Variants in USP32 observed in about 807,000 individuals in gnomAD.
USP32 encodes ubiquitin carboxyl-terminal hydrolase 32.
Under a neutral mutation model 204.8 loss-of-function variants are expected in USP32, and 59 were observed. The ratio of observed to expected loss-of-function variants is 0.29; its 90% CI spans 0.23 to 0.36. The LOEUF (loss-of-function observed/expected upper bound fraction) is 0.36. USP32 is among the 10% of genes least tolerant of loss of function. The probability of loss-of-function intolerance (pLI) is 1.00; values close to 1 mark genes in which losing one functional copy is unlikely to be tolerated. For missense variants in USP32, 1,160 were observed against 1,946.4 expected (o/e 0.60, Z 7.60); for synonymous variants, 517 against 678.4 (o/e 0.76, Z 3.70).
chr17:60,321,345 C>A (rs931217154), intron 2 of USP32, among the ~76,000 whole-genome samples: 1 of 152,150 alleles, frequency 6.6e-6, no homozygotes, highest in African/African-American at 2.4e-5. Context: ...CTACAACCAA[C>A]GTAAGACTGG....
At chr17:60,252,944 T>A (rs1598146135) in intron 10 of USP32, among the ~76,000 whole-genome samples, 1 of 152,200 alleles carries the variant, frequency 6.6e-6, no homozygotes, top group East Asian at 1.9e-4. Flanking sequence ...ATATATTAAT[T>A]GTACATATGA....
At chr17:60,331,911 A>C (rs137876094) in intron 2 of USP32, among the ~76,000 whole-genome samples, 1,553 of 144,636 alleles carry the variant, frequency 0.011, 7 homozygotes, top group Middle Eastern at 0.02. Flanking sequence ...AAAAAAATAA[A>C]ATAAACTTTA....
At chr17:60,320,543 A>T (rs2088087054) in intron 2 of USP32, among the ~76,000 whole-genome samples, 1 of 152,174 alleles carries the variant, frequency 6.6e-6, no homozygotes, top group South Asian at 2.1e-4. Context: ...CGTTGGGATG[A>T]GGGAAGAAAC....
At chr17:60,357,312 G>A (rs7223100) in intron 1 of USP32, among the ~76,000 whole-genome samples, 1,756 of 151,682 alleles carry the variant, frequency 0.012, 36 homozygotes, top group African/African-American at 0.041. Context: ...AATTAGGCAG[G>A]CATGGTGATA....
chr17:60,417,515 A>G (rs986164439), intron 1 of USP32, among the ~76,000 whole-genome samples: 2 of 147,576 alleles, frequency 1.4e-5, no homozygotes, highest in African/African-American at 5.0e-5. Context: ...GTGCAGTGCC[A>G]TGATCTCGGC....
chr17:60,204,298 T>TTG (rs1338477380), intron 26 of USP32, among the ~76,000 whole-genome samples: 1 of 152,050 alleles, frequency 6.6e-6, no homozygotes, highest in Non-Finnish European at 1.5e-5. Context: ...AACATAAATT[T>TTG]TGTGTGTGTT....
At chr17:60,341,233 G>A (rs901933484) in intron 2 of USP32, among the ~76,000 whole-genome samples, 1 of 152,102 alleles carries the variant, frequency 6.6e-6, no homozygotes, top group Non-Finnish European at 1.5e-5. Context: ...GGTTGGGGAA[G>A]TTCTCCTGGA....
At chr17:60,225,098 T>C (rs1227460108) in intron 13 of USP32, among the ~76,000 whole-genome samples, 1 of 152,166 alleles carries the variant, frequency 6.6e-6, no homozygotes, top group African/African-American at 2.4e-5. Flanking sequence ...TCTTTGAAAA[T>C]TTAAATTTAC....
At chr17:60,294,176 G>C (rs2087363784) in intron 4 of USP32, among the ~76,000 whole-genome samples, 1 of 152,184 alleles carries the variant, frequency 6.6e-6, no homozygotes, top group Admixed American at 6.5e-5. Flanking sequence ...AAAGTACTTG[G>C]ATTACAGGTG....
intron 1 of USP32, among the ~76,000 whole-genome samples, chr17:60,355,801 A>G (rs2089056353): frequency 7.1e-6 from 1 of 140,840 alleles, no homozygotes; most frequent in African/African-American, 2.7e-5. Flanking sequence ...ATGCCACTGC[A>G]CTCCAGGCTG....
intron 18 of USP32, among the ~76,000 whole-genome samples, chr17:60,212,326 T>C (rs1247396576): frequency 6.6e-6 from 1 of 152,232 alleles, no homozygotes; most frequent in Non-Finnish European, 1.5e-5. Flanking sequence ...ACCTAGGCTA[T>C]GTATGGTATA....
intron 1 of USP32, among the ~76,000 whole-genome samples, chr17:60,363,945 A>T (rs2089264091): frequency 6.6e-6 from 1 of 152,046 alleles, no homozygotes; most frequent in South Asian, 2.1e-4. Context: ...AGCTTCCCTA[A>T]AGTAATCAGT....
chr17:60,363,469 A>G (rs1433969501), intron 1 of USP32, among the ~76,000 whole-genome samples: 1 of 148,962 alleles, frequency 6.7e-6, no homozygotes, highest in African/African-American at 2.5e-5. Flanking sequence ...AAAAAAAAAA[A>G]AAAGCGCCAC....
rs148034797 is a variant in USP32 at position 60,405,620 on chromosome 17, G to A, written c.106+16626C>T. 4.0e-3 allele frequency among the ~76,000 whole-genome samples: 616 copies of A among 152,192 alleles called. 3 individuals are homozygous for A. The highest frequency in any genetic ancestry group is 0.014 in the African/African-American group (562 of 41,506). On this transcript the variant is annotated intron_variant, in intron 1 of 3. Coordinates refer to the USP32 transcript ENST00000588898. ...CTACAAAAATACAAAAATTAGCCAG[G>A]CCTAGTGGCATGTTGCCTATAGTCC...
chr17:60,268,658 T>C (rs2086658917), intron 7 of USP32, among the ~76,000 whole-genome samples: 3 of 151,628 alleles, frequency 2.0e-5, no homozygotes, highest in Non-Finnish European at 4.4e-5. Flanking sequence ...ACCAAGCCAG[T>C]TTGAAATAGT....
At chr17:60,342,808 G>A (rs960964923) in intron 2 of USP32, among the ~76,000 whole-genome samples, 1 of 152,180 alleles carries the variant, frequency 6.6e-6, no homozygotes, top group Non-Finnish European at 1.5e-5. Context: ...GGAGTGTCCC[G>A]TTTTTCTAGT....
chr17:60,255,562 T>G (rs2086281014), intron 9 of USP32, among the ~76,000 whole-genome samples: 1 of 152,164 alleles, frequency 6.6e-6, no homozygotes. Context: ...CCTCCCAAAG[T>G]GCCGGGATTA....
At chr17:60,198,139 G>A in intron 27 of USP32, 121 bp downstream of exon 27, 1 of 1,292,308 alleles carries the variant, frequency 7.7e-7, no homozygotes, top group East Asian at 2.4e-5. Flanking sequence ...TGCTGTCTGA[G>A]TGGTTCTTCC....
chr17:60,312,038 C>G (rs573033550), intron 2 of USP32, among the ~76,000 whole-genome samples: 4 of 152,148 alleles, frequency 2.6e-5, no homozygotes, highest in Non-Finnish European at 5.9e-5. Context: ...GACATTGAAG[C>G]CAGGCTTTAT....
Sources: gnomAD v4.1 joint callset for allele counts (sites outside exome capture counted in the v4.1 genomes callset) on GRCh38, gnomAD v4.1.1 for gene constraint, MANE v1.5 for transcripts, NCBI Gene and HGNC (gene_info 2026-07-23, HGNC 2026-07-21) for gene names.